Variants in ZNF732 observed in about 807,000 individuals in gnomAD.
ZNF732 encodes the protein zinc finger protein LOC654254.
A neutral mutation model predicts 11.5 loss-of-function variants in ZNF732; 12 were observed. That is an observed-to-expected ratio of 1.05 (90% confidence interval 0.67 to 1.70). The LOEUF (loss-of-function observed/expected upper bound fraction) is 1.70, where lower values mean the gene tolerates loss of function less well. Among genes scored for constraint, ZNF732 ranks in the 40% most tolerant of loss-of-function variants. The pLI, the probability that ZNF732 is intolerant of heterozygous loss-of-function variation, is 0.00. For missense variants in ZNF732, 702 were observed against 676.9 expected, an observed-to-expected ratio of 1.04 and a Z score of -0.41; for synonymous variants, 231 against 236.5, an observed-to-expected ratio of 0.98 and a Z score of 0.21.
chr4:300,608 C>T (rs116057011), intron 1 of ZNF732, among the ~76,000 whole-genome samples: 2,224 of 152,168 alleles, frequency 0.015, 64 homozygotes, highest in African/African-American at 0.051. Context: ...ATTAAAATAA[C>T]TTGTATTTCT....
intron 3 of ZNF732, among the ~76,000 whole-genome samples, chr4:277,651 T>C (rs1044503422): frequency 6.6e-6 from 1 of 151,816 alleles, no homozygotes; most frequent in Non-Finnish European, 1.5e-5. Flanking sequence ...ACGGTAAAAC[T>C]GTAAGTTAGT....
intron 3 of ZNF732, among the ~76,000 whole-genome samples, chr4:289,128 G>C (rs1307888515): frequency 3.9e-5 from 6 of 152,260 alleles, no homozygotes; most frequent in Admixed American, 3.9e-4. Context: ...GCAGGAGCAA[G>C]TGTGTGGAAG....
chr4:283,806 A>T (rs1261402779), intron 3 of ZNF732, among the ~76,000 whole-genome samples: 1 of 152,206 alleles, frequency 6.6e-6, no homozygotes, highest in Admixed American at 6.5e-5. Flanking sequence ...TTCTTCTCAA[A>T]CACACATGGA....
intron 1 of ZNF732, 137 bp downstream of exon 1, chr4:305,171 C>T: frequency 8.2e-7 from 1 of 1,217,850 alleles, no homozygotes; most frequent in Non-Finnish European, 1.1e-6. Context: ...CCGGGTCCCT[C>T]ACCGGAAGGG....
At chr4:296,928 T>C (rs1553842454) in intron 1 of ZNF732, among the ~76,000 whole-genome samples, 2 of 152,168 alleles carry the variant, frequency 1.3e-5, no homozygotes, top group African/African-American at 2.4e-5. Context: ...GTTTAAAGTT[T>C]ACAGAGGCTG....
At position 305,242 on chromosome 4, in the gene ZNF732, G is replaced by A. The variant is rs182674534; in HGVS notation, c.3+66C>T. On this transcript the variant is annotated intron_variant, in intron 1 of 3. Coordinates refer to ENST00000419098, the MANE Select transcript of ZNF732 (RefSeq NM_001137608.3). Reference sequence around the variant, plus strand: ...CTCCGTTCGCAGACTCCGTCCCGCCGCCGCCATTTCCCGCCGGTTCGGATG... The same window carrying A: ...CTCCGTTCGCAGACTCCGTCCCGCCACCGCCATTTCCCGCCGGTTCGGATG... The A allele has an allele frequency of 1.7e-5, 26 of 1,572,308 alleles. No individual in the cohort carries two copies. In the East Asian group the frequency reaches 4.6e-4, roughly 28 times the overall value.
At chr4:291,320 G>A (rs1406303317) in intron 3 of ZNF732, among the ~76,000 whole-genome samples, 2 of 152,156 alleles carry the variant, frequency 1.3e-5, no homozygotes, top group African/African-American at 4.8e-5. Flanking sequence ...GTGCTCAAGT[G>A]ATCCACATGC....
intron 1 of ZNF732, among the ~76,000 whole-genome samples, chr4:304,807 G>A (rs1230757035): frequency 1.3e-5 from 2 of 152,232 alleles, no homozygotes; most frequent in Non-Finnish European, 2.9e-5. Flanking sequence ...TGGAGCGGGC[G>A]GGTGATTTGC....
intron 1 of ZNF732, among the ~76,000 whole-genome samples, chr4:303,303 G>A (rs1307915389): frequency 1.3e-5 from 2 of 152,160 alleles, no homozygotes; most frequent in East Asian, 1.9e-4. Context: ...AACTTTGAGC[G>A]TTAGCCGTCT....
At chr4:276,180 G>A (rs1481317924) in intron 3 of ZNF732, among the ~76,000 whole-genome samples, 1 of 151,620 alleles carries the variant, frequency 6.6e-6, no homozygotes, top group Non-Finnish European at 1.5e-5. Context: ...ACTCACCTAG[G>A]CAGGGTAAAA....
intron 3 of ZNF732, among the ~76,000 whole-genome samples, chr4:292,276 G>A (rs549360236): frequency 6.6e-6 from 1 of 152,218 alleles, no homozygotes; most frequent in Non-Finnish European, 1.5e-5. Context: ...AACCCTACAG[G>A]ATATAAATAT....
intron 3 of ZNF732, among the ~76,000 whole-genome samples, chr4:276,776 AT>A (rs550105262): frequency 4.0e-5 from 6 of 151,830 alleles, no homozygotes; most frequent in African/African-American, 1.4e-4. Context: ...AATACCAATG[AT>A]TTTTTTCACA....
At chr4:291,563 AATG>A (rs782071078) in intron 3 of ZNF732, among the ~76,000 whole-genome samples, 4 of 152,268 alleles carry the variant, frequency 2.6e-5, no homozygotes, top group Non-Finnish European at 5.9e-5. Flanking sequence ...TTAGACACTA[AATG>A]ATGACAGAAA....
At chr4:285,449 T>A (rs1719713055) in intron 3 of ZNF732, among the ~76,000 whole-genome samples, 1 of 152,166 alleles carries the variant, frequency 6.6e-6, no homozygotes, top group Non-Finnish European at 1.5e-5. Flanking sequence ...TGTCCTATTA[T>A]TGGAAAACTC....
rs1560163846 is a variant in ZNF732, at chr4:296,122, A to G, written c.37T>C (p.Phe13Leu). The change falls in exon 2 of 4, where the codon TTC becomes CTC. Residue 13 changes from phenylalanine (F) to leucine (L), a missense_variant. This residue lies in a region of ZNF732 where 596 missense variants were observed against 557.9 expected (regional missense o/e 1.07). Transcript: ENST00000419098. ...AGGCATTTCCACTCTTCTGGAGAGAATTCTATGGCCACATCCCTGAATGTT... is the reference window on the plus strand; with the variant it reads ...AGGCATTTCCACTCTTCTGGAGAGAGTTCTATGGCCACATCCCTGAATGTT... ...LLTFRDVAIE[F>L]SPEEWKCLDP... The G allele has an allele frequency of 6.2e-7, 1 of 1,613,502 alleles. No homozygotes were observed. Among genetic ancestry groups the G allele is most frequent in the Admixed American group, 1.7e-5 (1 of 59,804 alleles).
intron 3 of ZNF732, among the ~76,000 whole-genome samples, chr4:279,036 T>C (rs1351362465): frequency 2.0e-5 from 3 of 152,174 alleles, no homozygotes; most frequent in Non-Finnish European, 4.4e-5. Flanking sequence ...CTTAAAGATA[T>C]TGTGTGTGTG....
intron 3 of ZNF732, among the ~76,000 whole-genome samples, chr4:274,994 G>C (rs1719463693): frequency 6.6e-6 from 1 of 151,486 alleles, no homozygotes; most frequent in Non-Finnish European, 1.5e-5. Flanking sequence ...AAGGAATAAT[G>C]AAACAAGATA....
chr4:278,220 TACA>T (rs1365870447), intron 3 of ZNF732, among the ~76,000 whole-genome samples: 1 of 152,106 alleles, frequency 6.6e-6, no homozygotes, highest in African/African-American at 2.4e-5. Context: ...ACTTTTTGAA[TACA>T]ACATCAAAGG....
Position 270,780 on chromosome 4 carries a change from C to T in ZNF732, c.*319G>A, listed in dbSNP as rs1553837014. ...CTTTACATTTGTAGGATTCATCTCC[C>T]ATATGAATTTTCTTATGTTCACTCA... On this transcript the variant is annotated 3_prime_UTR_variant, in exon 4 of 4. Coordinates refer to ENST00000419098, the MANE Select transcript of ZNF732 (RefSeq NM_001137608.3). 1.9e-6 allele frequency: 1 copy of T among 512,906 alleles called. No individual in the cohort carries two copies. The highest frequency in any genetic ancestry group is 3.7e-6 in the Non-Finnish European group (1 of 269,992). 31.8% of individuals were successfully genotyped at this position (512,906 alleles called of 1,614,324 possible). A position where few individuals can be genotyped will look rare whatever the true frequency, so the allele number is the denominator to read the frequency against.
Sources: gnomAD v4.1 joint callset for allele counts (sites outside exome capture counted in the v4.1 genomes callset) on GRCh38, gnomAD v4.1.1 for gene constraint, gnomAD v4.1.1 regional missense constraint, MANE v1.5 for transcripts, NCBI Gene and HGNC (gene_info 2026-07-23, HGNC 2026-07-21) for gene names.